The following NKAIN2 variants were observed in gnomAD, a reference collection of about 807,000 sequenced individuals.
NKAIN2 encodes the protein sodium/potassium-transporting ATPase subunit beta-1-interacting protein 2.
Under a neutral mutation model 32.6 loss-of-function variants are expected in NKAIN2, and 14 were observed. That is an observed-to-expected ratio of 0.43 (90% CI 0.28 to 0.67). NKAIN2 has a LOEUF of 0.67. Ranked by LOEUF, NKAIN2 falls within the 30% of genes least tolerant of loss-of-function variation. The pLI is 0.17. For missense variants in NKAIN2, 198 were observed against 258.3 expected, an observed-to-expected ratio of 0.77 and a Z score of 1.60; for synonymous variants, 80 against 87.2, an observed-to-expected ratio of 0.92 and a Z score of 0.46.
chr6:124,680,719 A>C (rs1422867286), intron 4 of NKAIN2, among the ~76,000 whole-genome samples: 1 of 152,072 alleles, frequency 6.6e-6, no homozygotes, highest in African/African-American at 2.4e-5. Flanking sequence ...CATACTCTCA[A>C]TGGACAAAAT....
At chr6:124,453,962 TA>T (rs1179947422) in intron 3 of NKAIN2, among the ~76,000 whole-genome samples, 2 of 152,084 alleles carry the variant, frequency 1.3e-5, no homozygotes, top group Non-Finnish European at 2.9e-5. Context: ...AAAATAACTT[TA>T]AAGCCAGAAA....
intron 1 of NKAIN2, among the ~76,000 whole-genome samples, chr6:123,843,798 G>A (rs1774979471): frequency 6.6e-6 from 1 of 152,100 alleles, no homozygotes; most frequent in Admixed American, 6.6e-5. Context: ...GGTAATGGGG[G>A]AAGTGTATGG....
intron 1 of NKAIN2, among the ~76,000 whole-genome samples, chr6:124,257,349 T>G (rs1582938264): frequency 6.6e-6 from 1 of 152,304 alleles, no homozygotes; most frequent in East Asian, 1.9e-4. Context: ...TAAGATTTGC[T>G]TCAGGGATCA....
chr6:123,893,752 G>C (rs1057299339), intron 1 of NKAIN2, among the ~76,000 whole-genome samples: 3 of 152,194 alleles, frequency 2.0e-5, no homozygotes, highest in African/African-American at 4.8e-5. Flanking sequence ...GATCTATAAT[G>C]TGAAAAGATC....
At chr6:124,445,947 A>T (rs954605742) in intron 3 of NKAIN2, among the ~76,000 whole-genome samples, 2 of 152,126 alleles carry the variant, frequency 1.3e-5, no homozygotes, top group Admixed American at 6.6e-5. Flanking sequence ...AAAGTTCATC[A>T]AAATCAAAAT....
chr6:124,468,340 A>G (rs940082279), intron 3 of NKAIN2, among the ~76,000 whole-genome samples: 1 of 152,110 alleles, frequency 6.6e-6, no homozygotes, highest in African/African-American at 2.4e-5. Context: ...AAAATCCTGA[A>G]ATCTTGATTA....
intron 3 of NKAIN2, among the ~76,000 whole-genome samples, chr6:124,402,631 A>T (rs62436286): frequency 0.024 from 3,674 of 152,324 alleles, 97 homozygotes; most frequent in Non-Finnish European, 0.034. Flanking sequence ...CACAAAACAA[A>T]CAATGTCATG....
intron 1 of NKAIN2, among the ~76,000 whole-genome samples, chr6:123,835,025 T>C (rs1774556319): frequency 1.3e-5 from 2 of 152,174 alleles, no homozygotes; most frequent in Admixed American, 1.3e-4. Flanking sequence ...AGTCTTTTGT[T>C]TTCTTGTATT....
intron 1 of NKAIN2, among the ~76,000 whole-genome samples, chr6:124,051,158 T>G (rs560413630): frequency 6.6e-6 from 1 of 152,244 alleles, no homozygotes; most frequent in East Asian, 1.9e-4. Context: ...AATATTTTAA[T>G]GATAGTCATG....
At chr6:123,954,813 A>G (rs1026240576) in intron 1 of NKAIN2, among the ~76,000 whole-genome samples, 2 of 152,060 alleles carry the variant, frequency 1.3e-5, no homozygotes, top group Non-Finnish European at 1.5e-5. Context: ...CCTTCAGCTC[A>G]GGTTTTGAGT....
intron 1 of NKAIN2, among the ~76,000 whole-genome samples, chr6:123,874,754 A>G (rs1487429444): frequency 6.6e-6 from 1 of 152,090 alleles, no homozygotes; most frequent in Non-Finnish European, 1.5e-5. Flanking sequence ...TTATAAAAAT[A>G]TGTCTATTGT....
rs1023140242 is a variant in NKAIN2, at chr6:124,657,618, T to C, written c.274-568T>C. Among the ~76,000 whole-genome samples, 3 of 152,088 alleles carry C rather than the reference T, an allele frequency of 2.0e-5. No individual in the cohort carries two copies. In the South Asian group the frequency reaches 6.2e-4, roughly 32 times the overall value. ...ACCAATTTCACAAAAAGTGATAAGA[T>C]TGAAGAGACACTGATTTGCCCAAAT... On this transcript the variant is annotated intron_variant, in intron 3 of 6. Coordinates refer to ENST00000368417, the MANE Select transcript of NKAIN2 (RefSeq NM_001040214.3).
intron 1 of NKAIN2, among the ~76,000 whole-genome samples, chr6:124,088,253 A>T (rs1171351625): frequency 6.6e-6 from 1 of 151,852 alleles, no homozygotes; most frequent in Non-Finnish European, 1.5e-5. Context: ...TTCCATCTCT[A>T]CAAAATAATA....
At chr6:124,095,507 A>G (rs1194114966) in intron 1 of NKAIN2, among the ~76,000 whole-genome samples, 1 of 152,302 alleles carries the variant, frequency 6.6e-6, no homozygotes, top group South Asian at 2.1e-4. Flanking sequence ...GTGTCTGTGT[A>G]GAGAATTATT....
chr6:124,125,658 T>C (rs1056363182), intron 1 of NKAIN2, among the ~76,000 whole-genome samples: 9 of 152,218 alleles, frequency 5.9e-5, no homozygotes, highest in Non-Finnish European at 1.0e-4. Flanking sequence ...ATGTTATCTG[T>C]ACTATGCTTC....
At chr6:124,660,445 C>T (rs1348559910) in intron 4 of NKAIN2, among the ~76,000 whole-genome samples, 1 of 152,032 alleles carries the variant, frequency 6.6e-6, no homozygotes, top group Non-Finnish European at 1.5e-5. Flanking sequence ...ACATACATAC[C>T]CAAAGAAAAG....
At chr6:124,643,534 C>A (rs1415510322) in intron 3 of NKAIN2, among the ~76,000 whole-genome samples, 1 of 152,052 alleles carries the variant, frequency 6.6e-6, no homozygotes, top group Non-Finnish European at 1.5e-5. Flanking sequence ...TATTTTTATA[C>A]CTAGTTTCCC....
At chr6:124,239,009 A>G (rs1792932226) in intron 1 of NKAIN2, among the ~76,000 whole-genome samples, 1 of 152,148 alleles carries the variant, frequency 6.6e-6, no homozygotes, top group Non-Finnish European at 1.5e-5. Flanking sequence ...GTGCTGTATT[A>G]GGAGACCCAT....
At chr6:124,028,891 A>G (rs62435611) in intron 1 of NKAIN2, among the ~76,000 whole-genome samples, 3 of 16,022 alleles carry the variant, frequency 1.9e-4, no homozygotes, top group African/African-American at 1.7e-3. Flanking sequence ...ATATGTGTAT[A>G]TATATATATA....
Sources: allele counts gnomAD v4.1 joint callset (sites outside exome capture counted in the v4.1 genomes callset), GRCh38; gene constraint gnomAD v4.1.1; transcripts MANE v1.5; gene names NCBI Gene and HGNC (gene_info 2026-07-23, HGNC 2026-07-21).